Variants in KIF26B observed in about 807,000 individuals in gnomAD.
The protein encoded by KIF26B is kinesin family member 26B, also known as kinesin-like protein KIF26B.
KIF26B carries 63 observed loss-of-function variants against 151.2 expected under a neutral mutation model. That is an observed-to-expected ratio of 0.42 (90% CI 0.34 to 0.51). The LOEUF (loss-of-function observed/expected upper bound fraction) is 0.51, where lower values mean the gene tolerates loss of function less well. KIF26B is among the 20% of genes least tolerant of loss of function. The pLI is 0.07. For missense variants in KIF26B, 2,813 were observed against 2,913.6 expected, an observed-to-expected ratio of 0.97 and a Z score of 0.79; for synonymous variants, 1,357 against 1,262.1, an observed-to-expected ratio of 1.08 and a Z score of -1.59.
In KIF26B at chr1:245,678,586, T is replaced by A. The variant is rs189983956; in HGVS notation, c.2259-5647T>A. Among the ~76,000 whole-genome samples the A allele has an allele frequency of 1.4e-4, 22 of 151,974 alleles. No individual in the cohort carries two copies. In the East Asian group the frequency reaches 2.1e-3, roughly 15 times the overall value. ...ACTGTAAAAAAAAGCAAGACAGGCC[T>A]GGCACAGTGGCTCACGCCTGTAATC... On this transcript the variant is annotated intron_variant, in intron 10 of 14. Transcript: ENST00000407071.
chr1:245,247,354 A>C (rs79375888), intron 2 of KIF26B, among the ~76,000 whole-genome samples: 1 of 151,604 alleles, frequency 6.6e-6, no homozygotes, highest in African/African-American at 2.4e-5. Context: ...GCTACTCGGG[A>C]GGCTGAGGCA....
At chr1:245,501,868 A>G (rs938847620) in intron 4 of KIF26B, among the ~76,000 whole-genome samples, 1 of 152,176 alleles carries the variant, frequency 6.6e-6, no homozygotes, top group African/African-American at 2.4e-5. Flanking sequence ...TCATGCCTAC[A>G]TTGTGCTACC....
chr1:245,507,838 A>G (rs962171679), intron 4 of KIF26B, among the ~76,000 whole-genome samples: 50 of 152,138 alleles, frequency 3.3e-4, no homozygotes, highest in African/African-American at 1.0e-3. Flanking sequence ...AAAGGTTGAC[A>G]ACAACCTTTG....
At chr1:245,507,001 C>T (rs1386051634) in intron 4 of KIF26B, among the ~76,000 whole-genome samples, 1 of 152,112 alleles carries the variant, frequency 6.6e-6, no homozygotes, top group Non-Finnish European at 1.5e-5. Flanking sequence ...CTTATAAGAC[C>T]CTCAGTATTG....
At chr1:245,585,032 A>T (rs1353964385) in intron 5 of KIF26B, among the ~76,000 whole-genome samples, 1 of 152,210 alleles carries the variant, frequency 6.6e-6, no homozygotes, top group Non-Finnish European at 1.5e-5. Flanking sequence ...TGAGGGAAAG[A>T]TTCCACAAGG....
chr1:245,157,958 T>G (rs1668473348), intron 2 of KIF26B, among the ~76,000 whole-genome samples: 1 of 152,226 alleles, frequency 6.6e-6, no homozygotes, highest in African/African-American at 2.4e-5. Context: ...AAATACCAGG[T>G]CCATTCATGC....
chr1:245,367,211 C>T lies in KIF26B; in HGVS notation c.843C>T (p.Ser281=), dbSNP rs370325336. Residue 281 remains serine, a synonymous_variant, in exon 3 of 15, where the codon AGC becomes AGT. Coordinates refer to ENST00000407071, the MANE Select transcript of KIF26B (RefSeq NM_018012.4). This position sits in a 1 kb window ranked among gnomAD's most constrained non-coding sequence, Gnocchi z 4.2. ...TCAGCAATGGGGCGGAAAAGAAGAG[C>T]GGGTCCCCAACCCACCAGGCCAAGG... ...LGVSNGAEKK[S]GSPTHQAKVS... 34 of 1,609,462 alleles carry T rather than the reference C, an allele frequency of 2.1e-5. 1 individual carries two copies. In the African/African-American group the frequency reaches 2.7e-4, roughly 13 times the overall value.
At chr1:245,534,865 C>T (rs1051547760) in intron 4 of KIF26B, among the ~76,000 whole-genome samples, 5 of 151,880 alleles carry the variant, frequency 3.3e-5, no homozygotes, top group African/African-American at 1.2e-4. Context: ...TCACTGCAAC[C>T]TCTACCTCCC....
At chr1:245,202,585 C>T (rs545366032) in intron 2 of KIF26B, among the ~76,000 whole-genome samples, 1 of 152,048 alleles carries the variant, frequency 6.6e-6, no homozygotes, top group East Asian at 1.9e-4. Flanking sequence ...ATGGTGAAAC[C>T]GCGTCTTTAC....
chr1:245,510,950 A>G, intron 4 of KIF26B: 1 of 630,480 alleles, frequency 1.6e-6, no homozygotes, highest in Non-Finnish European at 2.9e-6. Context: ...ACCCCCATGG[A>G]TTTTAGAATT....
chr1:245,224,462 C>G (rs1669837024), intron 2 of KIF26B, among the ~76,000 whole-genome samples: 1 of 152,192 alleles, frequency 6.6e-6, no homozygotes. Context: ...AGCAACTGAC[C>G]AACTACAGTT....
rs375936883 is a variant in KIF26B at position 245,698,903 on chromosome 1, A to G, written c.6044A>G (p.Asn2015Ser). Reference sequence around the variant, plus strand: ...GTGTGCTAGGAGGCCATGTGCTTCAATGCAAAGCTGAAGATTCTGGAACAC... The same window carrying G: ...GTGTGCTAGGAGGCCATGTGCTTCAGTGCAAAGCTGAAGATTCTGGAACAC... The part of the protein sequence containing the change: ...GGASKEAMCF[N>S]AKLKILEHRQ... Residue 2015 changes from asparagine (N) to serine (S), a missense_variant, in exon 14 of 15, where the codon AAT becomes AGT. Coordinates refer to ENST00000407071, the MANE Select transcript of KIF26B (RefSeq NM_018012.4). The surrounding 1 kb of genome is among the most constrained non-coding windows in gnomAD (Gnocchi z 4.0). 1.3e-4 allele frequency: 210 copies of G among 1,613,784 alleles called. No individual in the cohort carries two copies. Among genetic ancestry groups the G allele is most frequent in the Non-Finnish European group, 1.7e-4 (204 of 1,179,822 alleles).
At chr1:245,322,655 C>CT (rs1671912332) in intron 2 of KIF26B, among the ~76,000 whole-genome samples, 1 of 152,084 alleles carries the variant, frequency 6.6e-6, no homozygotes, top group Non-Finnish European at 1.5e-5. Context: ...CATATTTAAA[C>CT]ATTATTGTGT....
intron 10 of KIF26B, among the ~76,000 whole-genome samples, chr1:245,681,899 G>A (rs1183664260): frequency 6.6e-6 from 1 of 152,200 alleles, no homozygotes; most frequent in Non-Finnish European, 1.5e-5. Flanking sequence ...AGAAACTTTT[G>A]TCATCAGAGG....
chr1:245,269,589 C>T (rs1007700308), intron 2 of KIF26B, among the ~76,000 whole-genome samples: 3 of 151,782 alleles, frequency 2.0e-5, no homozygotes, highest in Non-Finnish European at 2.9e-5. Flanking sequence ...TTCAGCCTCC[C>T]GAGTAGCTGG....
chr1:245,612,099 TGTGTGTGAGAGAGAGAGA>T (rs2043532888), intron 9 of KIF26B, 123 bp downstream of exon 9: 2 of 589,616 alleles, frequency 3.4e-6, no homozygotes, highest in East Asian at 7.6e-5. Context: ...TGTGTGTGTG[TGTGTGTGAGAGAGAGAGA>T]GAGAGAGAGA....
At chr1:245,664,398 TAAG>T (rs2044190936) in intron 10 of KIF26B, among the ~76,000 whole-genome samples, 1 of 151,472 alleles carries the variant, frequency 6.6e-6, no homozygotes, top group African/African-American at 2.4e-5. Flanking sequence ...CTGTACTTGG[TAAG>T]AAGGTTTTCC....
chr1:245,231,636 G>A (rs1162222499), intron 2 of KIF26B, among the ~76,000 whole-genome samples: 1 of 152,174 alleles, frequency 6.6e-6, no homozygotes, highest in Non-Finnish European at 1.5e-5. Flanking sequence ...TTAAATTCTA[G>A]ATGTATCCTC....
chr1:245,245,722 G>A (rs775815644), intron 2 of KIF26B, among the ~76,000 whole-genome samples: 19 of 152,108 alleles, frequency 1.2e-4, no homozygotes, highest in Non-Finnish European at 1.8e-4. Flanking sequence ...CACGAGGTCA[G>A]GAGTTCAATA....
Sources: allele counts gnomAD v4.1 joint callset (sites outside exome capture counted in the v4.1 genomes callset), GRCh38; gene constraint gnomAD v4.1.1; non-coding constraint Gnocchi (gnomAD v3.1); transcripts MANE v1.5; gene names NCBI Gene and HGNC (gene_info 2026-07-23, HGNC 2026-07-21).